Variants in CNTN5 observed in about 807,000 individuals in gnomAD.
CNTN5 encodes contactin 5.
Under a neutral mutation model 129.1 loss-of-function variants are expected in CNTN5, and 77 were observed. That is an observed-to-expected ratio of 0.60 (90% CI 0.50 to 0.72). The LOEUF is 0.72. Ranked by LOEUF, CNTN5 falls within the 30% of genes least tolerant of loss-of-function variation. The pLI is 0.00. For synonymous variants in CNTN5, 509 were observed against 465.6 expected, an observed-to-expected ratio of 1.09 and a Z score of -1.20; for missense variants, 1,478 against 1,328.8, an observed-to-expected ratio of 1.11 and a Z score of -1.75.
At chr11:99,380,768 CA>C (rs769229566) in intron 2 of CNTN5, among the ~76,000 whole-genome samples, 1 of 102,436 alleles carries the variant, frequency 9.8e-6, no homozygotes, top group East Asian at 2.8e-4. Context: ...AACTCTATCT[CA>C]AAAAAAAAAA....
intron 3 of CNTN5, among the ~76,000 whole-genome samples, chr11:99,579,655 G>A (rs1949500418): frequency 7.2e-6 from 1 of 138,386 alleles, no homozygotes; most frequent in Non-Finnish European, 1.5e-5. Context: ...GTATAAGAAT[G>A]CTTGTGATTT....
intron 2 of CNTN5, among the ~76,000 whole-genome samples, chr11:99,525,409 A>G (rs1445908250): frequency 1.3e-5 from 2 of 152,224 alleles, no homozygotes; most frequent in African/African-American, 2.4e-5. Flanking sequence ...ACTATTCCTA[A>G]AGTACTTCTA....
intron 6 of CNTN5, among the ~76,000 whole-genome samples, chr11:99,865,305 T>C (rs1304145734): frequency 6.6e-6 from 1 of 151,858 alleles, no homozygotes; most frequent in Non-Finnish European, 1.5e-5. Context: ...TTCTCAAGAA[T>C]AAAGAACAGT....
In CNTN5 at chr11:99,469,292, T is replaced by C. The variant is rs373438296; in HGVS notation, c.-70-86853T>C. ...AATTGAGCAATTAATAATTGCATGA[T>C]TAGAGACTTAGCTTTCATCCATTCA... On this transcript the variant is annotated intron_variant, in intron 2 of 24. Transcript: ENST00000524871. Among the ~76,000 whole-genome samples the C allele has an allele frequency of 1.2e-4, 18 of 152,170 alleles. No individual in the cohort carries two copies. In the East Asian group the frequency reaches 1.7e-3, roughly 15 times the overall value.
intron 3 of CNTN5, among the ~76,000 whole-genome samples, chr11:99,798,910 T>A (rs926366044): frequency 6.6e-6 from 1 of 152,186 alleles, no homozygotes; most frequent in African/African-American, 2.4e-5. Flanking sequence ...GGAATGTTTT[T>A]CCATTTGTTT....
chr11:99,024,170 A>G (rs180949779), intron 1 of CNTN5, among the ~76,000 whole-genome samples: 15 of 152,264 alleles, frequency 9.9e-5, no homozygotes. Context: ...AAGATTAAAA[A>G]CTATTATGAA....
At chr11:99,598,092 A>C (rs1449167883) in intron 3 of CNTN5, among the ~76,000 whole-genome samples, 1 of 152,134 alleles carries the variant, frequency 6.6e-6, no homozygotes, top group South Asian at 2.1e-4. Flanking sequence ...CCATGTAGGG[A>C]ATATGATACC....
At chr11:99,660,930 C>G (rs1014978416) in intron 3 of CNTN5, among the ~76,000 whole-genome samples, 1 of 151,820 alleles carries the variant, frequency 6.6e-6, no homozygotes, top group Admixed American at 6.6e-5. Flanking sequence ...CACTGCCAAA[C>G]AGGAGGGTTG....
At chr11:99,312,379 G>T (rs1004249030) in intron 1 of CNTN5, among the ~76,000 whole-genome samples, 1 of 151,990 alleles carries the variant, frequency 6.6e-6, no homozygotes, top group South Asian at 2.1e-4. Flanking sequence ...ATGAGCCTTC[G>T]ATTCTTTATG....
chr11:100,305,731 C>A (rs1003504346), intron 20 of CNTN5, among the ~76,000 whole-genome samples: 3 of 151,476 alleles, frequency 2.0e-5, no homozygotes, highest in Non-Finnish European at 3.0e-5. Context: ...TGAAAATGTT[C>A]ACTTGGGTAT....
intron 3 of CNTN5, among the ~76,000 whole-genome samples, chr11:99,571,774 T>C (rs1949182887): frequency 1.3e-5 from 2 of 152,208 alleles, no homozygotes; most frequent in African/African-American, 4.8e-5. Flanking sequence ...TTGGCCTGTC[T>C]CTTCTCTCAT....
chr11:99,070,780 C>T (rs770890563), intron 1 of CNTN5, among the ~76,000 whole-genome samples: 5 of 151,142 alleles, frequency 3.3e-5, no homozygotes, highest in Non-Finnish European at 5.9e-5. Context: ...ATGTGTACTT[C>T]TCCCTGTTAA....
At chr11:100,022,489 T>C (rs1941213492) in intron 9 of CNTN5, among the ~76,000 whole-genome samples, 1 of 152,232 alleles carries the variant, frequency 6.6e-6, no homozygotes, top group Admixed American at 6.5e-5. Flanking sequence ...ATAGTATTAC[T>C]TCTCCACATA....
At chr11:100,291,274 C>G (rs895109863) in intron 18 of CNTN5, among the ~76,000 whole-genome samples, 5 of 151,940 alleles carry the variant, frequency 3.3e-5, no homozygotes, top group East Asian at 3.9e-4. Context: ...ACCCAATGGA[C>G]TATAAATCAT....
At chr11:99,858,568 A>G (rs1948111124) in intron 6 of CNTN5, among the ~76,000 whole-genome samples, 2 of 148,290 alleles carry the variant, frequency 1.3e-5, no homozygotes, top group South Asian at 4.4e-4. Context: ...TCCTCCATTT[A>G]TTTAAAACCC....
chr11:100,267,280 C>CAG (rs1555053698), intron 17 of CNTN5, among the ~76,000 whole-genome samples: 32 of 148,564 alleles, frequency 2.2e-4, no homozygotes, highest in Non-Finnish European at 3.4e-4. Flanking sequence ...CACACACACA[C>CAG]AGAGAGAGAG....
At chr11:99,772,175 C>G (rs1182700782) in intron 3 of CNTN5, among the ~76,000 whole-genome samples, 1 of 147,822 alleles carries the variant, frequency 6.8e-6, no homozygotes, top group African/African-American at 2.5e-5. Flanking sequence ...TTTTTTTTTG[C>G]CATGTGCTAA....
intron 2 of CNTN5, among the ~76,000 whole-genome samples, chr11:99,422,936 C>T (rs1326725736): frequency 1.3e-5 from 2 of 152,052 alleles, no homozygotes; most frequent in African/African-American, 4.8e-5. Flanking sequence ...AAAATCTTCT[C>T]CTAACCCAGA....
intron 1 of CNTN5, among the ~76,000 whole-genome samples, chr11:99,256,356 A>G (rs1862376261): frequency 6.6e-6 from 1 of 152,032 alleles, no homozygotes; most frequent in South Asian, 2.1e-4. Flanking sequence ...CTTTGAATTG[A>G]AAGAGCCCTG....
Sources: gnomAD v4.1 joint callset for allele counts (sites outside exome capture counted in the v4.1 genomes callset) on GRCh38, gnomAD v4.1.1 for gene constraint, MANE v1.5 for transcripts, NCBI Gene and HGNC (gene_info 2026-07-23, HGNC 2026-07-21) for gene names.